The following TENM3 variants were observed in gnomAD, a reference collection of about 807,000 sequenced individuals.
TENM3 encodes teneurin transmembrane protein 3, also known as teneurin-3.
TENM3 carries 63 observed loss-of-function variants against 255.1 expected under a neutral mutation model. The ratio of observed to expected loss-of-function variants is 0.25; its 90% CI spans 0.20 to 0.30. The LOEUF (loss-of-function observed/expected upper bound fraction) is 0.30, where lower values mean the gene tolerates loss of function less well. Ranked by LOEUF, TENM3 falls within the 10% of genes least tolerant of loss-of-function variation. The pLI is 1.00. For missense variants in TENM3, 2,929 were observed against 3,461.1 expected, an observed-to-expected ratio of 0.85 and a Z score of 3.86; for synonymous variants, 1,306 against 1,322.3, an observed-to-expected ratio of 0.99 and a Z score of 0.27.
rs1413931903 is a variant in TENM3 at position 182,789,935 on chromosome 4, C to T, written c.5601+546C>T. ...TCTTCTACATATAAAAGGTAAGCCT[C>T]CTAGATTAGGCTGTTTTCCATTCTT... is the stretch of plus-strand genomic sequence containing the variant. On this transcript the variant is annotated intron_variant, in intron 25 of 27. Transcript: ENST00000511685. This position sits in a 1 kb window ranked among gnomAD's most constrained non-coding sequence, Gnocchi z 4.4. Among the ~76,000 whole-genome samples the T allele has an allele frequency of 6.6e-6, 1 of 152,140 alleles. No homozygotes were observed. Among genetic ancestry groups the T allele is most frequent in the African/African-American group, 2.4e-5 (1 of 41,406 alleles).
chr4:182,516,830 G>T lies in TENM3; in HGVS notation c.512-84094G>T, dbSNP rs1318867004. Among the ~76,000 whole-genome samples, 5 of 151,646 alleles carry T rather than the reference G, an allele frequency of 3.3e-5. No individual in the cohort carries two copies. The East Asian group carries it at 9.7e-4, about 30-fold the overall frequency. On this transcript the variant is annotated intron_variant, in intron 3 of 27. Transcript: ENST00000511685. ...CGCTTGAACCCAGGAGGCAGAGGTTGCAGTGAGCTGAGATCATGCCACTGC... is the reference window on the plus strand; with the variant it reads ...CGCTTGAACCCAGGAGGCAGAGGTTTCAGTGAGCTGAGATCATGCCACTGC...
chr4:181,605,558 GAAA>G, the TENM3 span, among the ~76,000 whole-genome samples: 25 of 28,612 alleles, frequency 8.7e-4, no homozygotes, highest in African/African-American at 1.5e-3. Flanking sequence ...AAGAAAGAAA[GAAA>G]GAAAGAAAGA....
At chr4:182,527,951 C>A (rs1020972339) in intron 3 of TENM3, among the ~76,000 whole-genome samples, 1 of 152,162 alleles carries the variant, frequency 6.6e-6, no homozygotes, top group Non-Finnish European at 1.5e-5. Flanking sequence ...TGGTCTCCAT[C>A]TCTTGACCTC....
chr4:181,676,082 G>T, the TENM3 span, among the ~76,000 whole-genome samples: 2 of 151,940 alleles, frequency 1.3e-5, no homozygotes, highest in African/African-American at 4.8e-5. Context: ...CGGGAAGGGG[G>T]GGTGCATTTT....
At chr4:182,622,093 GCCCACGCCTGTAAT>G (rs889898667) in intron 4 of TENM3, among the ~76,000 whole-genome samples, 12 of 151,974 alleles carry the variant, frequency 7.9e-5, no homozygotes, top group Non-Finnish European at 1.5e-4. Context: ...GGGCATGGTG[GCCCACGCCTGTAAT>G]CCCAGCACTT....
the TENM3 span, among the ~76,000 whole-genome samples, chr4:181,653,359 C>T: frequency 6.6e-6 from 1 of 152,184 alleles, no homozygotes; most frequent in African/African-American, 2.4e-5. Flanking sequence ...CTGGAAACCA[C>T]TCTTGAGAAG....
the TENM3 span, among the ~76,000 whole-genome samples, chr4:181,811,182 G>A: frequency 1.3e-5 from 2 of 152,144 alleles, no homozygotes; most frequent in Non-Finnish European, 2.9e-5. Flanking sequence ...CAGCAGCCTT[G>A]AAAATTGAAA....
At position 182,542,039 on chromosome 4, in the gene TENM3, G is replaced by A. The variant is rs149368881; in HGVS notation, c.512-58885G>A. On this transcript the variant is annotated intron_variant, in intron 3 of 27. Coordinates refer to ENST00000511685, the MANE Select transcript of TENM3 (RefSeq NM_001080477.4). ...GATCATGCCACTGCATTCCAGCCTG[G>A]GCGACACAGACTCTGTCTCTCAAAA... Among the ~76,000 whole-genome samples, 12 of 152,168 alleles carry A rather than the reference G, an allele frequency of 7.9e-5. No homozygotes were observed. In the East Asian group the frequency reaches 1.4e-3, roughly 17 times the overall value.
intron 1 of TENM3, among the ~76,000 whole-genome samples, chr4:182,287,790 C>T (rs191535823): frequency 0.028 from 4,266 of 150,310 alleles, 196 homozygotes; most frequent in African/African-American, 0.098. Flanking sequence ...ATTTTGTTTT[C>T]GTATTTTTAG....
At chr4:182,113,791 A>C in the TENM3 span, among the ~76,000 whole-genome samples, 3 of 152,178 alleles carry the variant, frequency 2.0e-5, no homozygotes, top group African/African-American at 4.8e-5. Context: ...TACTTTGAAC[A>C]TTAAGAAACA....
the TENM3 span, among the ~76,000 whole-genome samples, chr4:181,954,457 A>T: frequency 1.3e-5 from 2 of 152,188 alleles, no homozygotes; most frequent in Non-Finnish European, 1.5e-5. Flanking sequence ...TTTTAATTTT[A>T]GCCATTCTAA....
At chr4:181,937,389 T>G in the TENM3 span, among the ~76,000 whole-genome samples, 1 of 152,206 alleles carries the variant, frequency 6.6e-6, no homozygotes, top group African/African-American at 2.4e-5. Flanking sequence ...AAAGTACAAC[T>G]TCTGCAAGAA....
the TENM3 span, among the ~76,000 whole-genome samples, chr4:181,983,176 G>A: frequency 2.0e-5 from 3 of 152,030 alleles, no homozygotes; most frequent in Non-Finnish European, 2.9e-5. Flanking sequence ...GTTCAGGACC[G>A]CTCAAGTGTC....
At chr4:182,694,441 T>A (rs902696852) in intron 12 of TENM3, among the ~76,000 whole-genome samples, 1 of 152,150 alleles carries the variant, frequency 6.6e-6, no homozygotes, top group Non-Finnish European at 1.5e-5. Context: ...ATCGTGATGA[T>A]GAAAGAAAGG....
the TENM3 span, among the ~76,000 whole-genome samples, chr4:181,515,462 C>T: frequency 6.6e-6 from 1 of 152,012 alleles, no homozygotes; most frequent in East Asian, 1.9e-4. Flanking sequence ...CCAGGAAAGG[C>T]CTATCTTTAG....
chr4:182,114,046 T>G, the TENM3 span, among the ~76,000 whole-genome samples: 1 of 152,222 alleles, frequency 6.6e-6, no homozygotes, highest in Non-Finnish European at 1.5e-5. Context: ...CCCTGCTTTT[T>G]GAGTAATTCT....
chr4:182,005,628 G>A, the TENM3 span, among the ~76,000 whole-genome samples: 1 of 152,116 alleles, frequency 6.6e-6, no homozygotes, highest in South Asian at 2.1e-4. Flanking sequence ...AGTTTGATGG[G>A]AATAGCATTG....
chr4:182,769,364 C>T (rs188626043), intron 22 of TENM3, among the ~76,000 whole-genome samples: 4 of 151,652 alleles, frequency 2.6e-5, no homozygotes, highest in African/African-American at 9.7e-5. Flanking sequence ...TCCTTCATCT[C>T]GTTTTCATTT....
intron 5 of TENM3, among the ~76,000 whole-genome samples, chr4:182,650,335 A>T (rs1753142971): frequency 6.7e-6 from 1 of 150,164 alleles, no homozygotes; most frequent in African/African-American, 2.4e-5. Flanking sequence ...TGCACACCCT[A>T]CACTGGGACA....
Sources: allele counts gnomAD v4.1 joint callset (sites outside exome capture counted in the v4.1 genomes callset), GRCh38; gene constraint gnomAD v4.1.1; non-coding constraint Gnocchi (gnomAD v3.1); transcripts MANE v1.5; gene names NCBI Gene and HGNC (gene_info 2026-07-23, HGNC 2026-07-21).